INPP4B: variants seen among roughly 807,000 people sequenced by gnomAD.
INPP4B encodes the protein inositol polyphosphate-4-phosphatase type II B.
Under a neutral mutation model 122.5 loss-of-function variants are expected in INPP4B, and 55 were observed. That is an observed-to-expected ratio of 0.45 (90% confidence interval 0.36 to 0.56). INPP4B has a LOEUF of 0.56. Ranked by LOEUF, INPP4B falls within the 20% of genes least tolerant of loss-of-function variation. The probability of loss-of-function intolerance (pLI) is 0.00; values close to 1 mark genes in which losing one functional copy is unlikely to be tolerated. For synonymous variants in INPP4B, 403 were observed against 388.7 expected, an observed-to-expected ratio of 1.04 and a Z score of -0.43; for missense variants, 1,000 against 1,097.7, an observed-to-expected ratio of 0.91 and a Z score of 1.26.
At chr4:142,220,993 A>C (rs1289735627) in intron 12 of INPP4B, among the ~76,000 whole-genome samples, 1 of 152,136 alleles carries the variant, frequency 6.6e-6, no homozygotes, top group Non-Finnish European at 1.5e-5. Flanking sequence ...CACATTCTGT[A>C]GTACTGGGGC....
intron 5 of INPP4B, among the ~76,000 whole-genome samples, chr4:142,422,036 A>T (rs1580010153): frequency 6.6e-6 from 1 of 152,086 alleles, no homozygotes; most frequent in East Asian, 1.9e-4. Flanking sequence ...CAGCTTCTGT[A>T]AGATCTTTAG....
chr4:142,336,777 C>A (rs1238517794), intron 7 of INPP4B, among the ~76,000 whole-genome samples: 1 of 152,200 alleles, frequency 6.6e-6, no homozygotes, highest in Non-Finnish European at 1.5e-5. Flanking sequence ...AACAAGGCCC[C>A]AGGCAGAGGC....
chr4:142,115,269 T>A (rs530163698), intron 21 of INPP4B, among the ~76,000 whole-genome samples: 1 of 152,274 alleles, frequency 6.6e-6, no homozygotes, highest in African/African-American at 2.4e-5. Context: ...GTCCCAAATC[T>A]AGCAAGGCAG....
chr4:142,820,072 A>G (rs1354067793), intron 1 of INPP4B, among the ~76,000 whole-genome samples: 1 of 152,144 alleles, frequency 6.6e-6, no homozygotes, highest in Admixed American at 6.6e-5. Context: ...AAAGTCCAAC[A>G]TAAAACAGTG....
At chr4:142,726,852 A>G (rs560988744) in intron 1 of INPP4B, among the ~76,000 whole-genome samples, 1 of 152,190 alleles carries the variant, frequency 6.6e-6, no homozygotes, top group Non-Finnish European at 1.5e-5. Flanking sequence ...TGGGAATGAT[A>G]TTTTTTCCTA....
intron 7 of INPP4B, among the ~76,000 whole-genome samples, chr4:142,326,913 C>T (rs1157879810): frequency 1.3e-5 from 2 of 152,110 alleles, no homozygotes; most frequent in African/African-American, 4.8e-5. Context: ...GGATAATTTG[C>T]CCAGGGCCAC....
intron 16 of INPP4B, among the ~76,000 whole-genome samples, chr4:142,168,305 C>T (rs1266062694): frequency 6.6e-6 from 1 of 151,276 alleles, no homozygotes; most frequent in African/African-American, 2.4e-5. Context: ...TGTTTATATT[C>T]CTTGATTTTT....
intron 7 of INPP4B, among the ~76,000 whole-genome samples, chr4:142,317,699 T>G (rs1163445830): frequency 6.6e-6 from 1 of 152,226 alleles, no homozygotes. Context: ...GATTTGCAGA[T>G]AACTCATGAC....
chr4:142,730,462 C>T (rs2150877381), intron 1 of INPP4B, among the ~76,000 whole-genome samples: 1 of 152,274 alleles, frequency 6.6e-6, no homozygotes, highest in South Asian at 2.1e-4. Flanking sequence ...GAGTGTCTAA[C>T]AGCTGCCACG....
At chr4:142,317,292 G>C in intron 7 of INPP4B, 1 of 372,780 alleles carries the variant, frequency 2.7e-6, no homozygotes, top group Non-Finnish European at 5.4e-6. Context: ...GGAGCCCCTC[G>C]ATCTTATCAG....
chr4:142,544,119 GGTGTGTGTGTGGT>G (rs1829256933), intron 2 of INPP4B, among the ~76,000 whole-genome samples: 2 of 5,024 alleles, frequency 4.0e-4, no homozygotes, highest in South Asian at 4.8e-3. Context: ...AATACTGCAT[GGTGTGTGTGTGGT>G]GTGTGTGTGT....
At chr4:142,312,074 C>T (rs1481481233) in intron 8 of INPP4B, among the ~76,000 whole-genome samples, 4 of 152,176 alleles carry the variant, frequency 2.6e-5, no homozygotes, top group Non-Finnish European at 5.9e-5. Context: ...CAAAAATAGG[C>T]ATGTCACAGG....
chr4:142,786,868 G>T (rs932505001), intron 1 of INPP4B, among the ~76,000 whole-genome samples: 2 of 151,932 alleles, frequency 1.3e-5, no homozygotes, highest in African/African-American at 4.8e-5. Flanking sequence ...AATTTAAAGA[G>T]GGGGAAACTG....
At chr4:142,826,504 A>C (rs1781482333) in intron 1 of INPP4B, among the ~76,000 whole-genome samples, 2 of 146,796 alleles carry the variant, frequency 1.4e-5, no homozygotes, top group African/African-American at 2.5e-5. Flanking sequence ...AATCACACAC[A>C]CACACACACA....
intron 1 of INPP4B, among the ~76,000 whole-genome samples, chr4:142,826,008 C>T (rs922605725): frequency 2.0e-5 from 3 of 152,010 alleles, no homozygotes; most frequent in African/African-American, 7.2e-5. Flanking sequence ...TGTTTATATG[C>T]CCTGTTCTAA....
At chr4:142,801,114 T>C (rs889590875) in intron 1 of INPP4B, among the ~76,000 whole-genome samples, 1 of 151,406 alleles carries the variant, frequency 6.6e-6, no homozygotes, top group Non-Finnish European at 1.5e-5. Flanking sequence ...AGTATGAAGA[T>C]GAGACATAAA....
intron 17 of INPP4B, among the ~76,000 whole-genome samples, chr4:142,156,441 A>C (rs901614368): frequency 1.3e-5 from 2 of 152,130 alleles, no homozygotes; most frequent in African/African-American, 4.8e-5. Flanking sequence ...TGTTGCAGAG[A>C]TGTAGAGAAA....
chr4:142,568,446 C>T (rs1276455338), intron 2 of INPP4B, among the ~76,000 whole-genome samples: 3 of 152,044 alleles, frequency 2.0e-5, no homozygotes, highest in Non-Finnish European at 2.9e-5. Context: ...AATGTTTAAG[C>T]AATAATTAAA....
chr4:142,390,473 C>T (rs1020933896), intron 7 of INPP4B, among the ~76,000 whole-genome samples: 5 of 152,258 alleles, frequency 3.3e-5, no homozygotes, highest in Non-Finnish European at 5.9e-5. Flanking sequence ...AAACCTTTAA[C>T]ATATTTGATA....
Sources: gnomAD v4.1 joint callset for allele counts (sites outside exome capture counted in the v4.1 genomes callset) on GRCh38, gnomAD v4.1.1 for gene constraint, MANE v1.5 for transcripts, NCBI Gene and HGNC (gene_info 2026-07-23, HGNC 2026-07-21) for gene names.